Variants in LDAH observed in about 807,000 individuals in gnomAD.
LDAH encodes the protein lipid droplet-associated hydrolase.
A neutral mutation model predicts 29.6 loss-of-function variants in LDAH; 26 were observed. The ratio of observed to expected loss-of-function variants is 0.88; its 90% CI spans 0.64 to 1.22. LDAH has a LOEUF of 1.22. LDAH is among the 50% of genes most tolerant of loss of function. LDAH has a pLI of 0.00. For synonymous variants in LDAH, 117 were observed against 133.0 expected (o/e 0.88, Z 0.83); for missense variants, 344 against 387.3 (o/e 0.89, Z 0.94).
intron 1 of LDAH, among the ~76,000 whole-genome samples, chr2:20,819,886 T>A (rs1673130219): frequency 6.6e-6 from 1 of 152,200 alleles, no homozygotes; most frequent in African/African-American, 2.4e-5. Flanking sequence ...GCCCAAAATC[T>A]CCTTAAGCTG....
intron 4 of LDAH, among the ~76,000 whole-genome samples, chr2:20,751,723 C>T (rs186019292): frequency 2.0e-4 from 31 of 152,194 alleles, no homozygotes; most frequent in Non-Finnish European, 2.2e-4. Context: ...TAGGTAAAGC[C>T]TCTAACATGA....
chr2:20,804,943 A>C (rs1379237089), intron 1 of LDAH, among the ~76,000 whole-genome samples: 5 of 152,290 alleles, frequency 3.3e-5, no homozygotes, highest in Admixed American at 2.6e-4. Flanking sequence ...AAACTATCAC[A>C]AACTACAGTA....
intron 4 of LDAH, among the ~76,000 whole-genome samples, chr2:20,746,790 T>G (rs1667600207): frequency 6.6e-6 from 1 of 152,144 alleles, no homozygotes; most frequent in Non-Finnish European, 1.5e-5. Context: ...TATGTTACTA[T>G]CTCATTAAAA....
At chr2:20,721,135 C>T (rs1665619108) in intron 5 of LDAH, among the ~76,000 whole-genome samples, 1 of 152,032 alleles carries the variant, frequency 6.6e-6, no homozygotes, top group African/African-American at 2.4e-5. Context: ...AATGGGATTA[C>T]ACCAAGCTAA....
intron 5 of LDAH, among the ~76,000 whole-genome samples, chr2:20,719,474 AAAT>A (rs960087295): frequency 2.7e-5 from 4 of 149,972 alleles, no homozygotes; most frequent in South Asian, 2.1e-4. Flanking sequence ...AGTAAGATCT[AAAT>A]AATAATAATA....
At chr2:20,816,041 T>C (rs1164657996) in intron 1 of LDAH, among the ~76,000 whole-genome samples, 2 of 152,070 alleles carry the variant, frequency 1.3e-5, no homozygotes, top group Admixed American at 6.6e-5. Flanking sequence ...TAAACTTCAA[T>C]TGGCAAAAGG....
chr2:20,754,943 A>G (rs1236214647), intron 4 of LDAH, among the ~76,000 whole-genome samples: 1 of 152,180 alleles, frequency 6.6e-6, no homozygotes, highest in Admixed American at 6.5e-5. Flanking sequence ...ACAAAATGGG[A>G]ATATGCAAGG....
chr2:20,742,884 T>C (rs933546481), intron 4 of LDAH, among the ~76,000 whole-genome samples: 1 of 150,862 alleles, frequency 6.6e-6, no homozygotes, highest in Middle Eastern at 3.4e-3. Flanking sequence ...TTCAGCCTTC[T>C]GAGTAGCTGG....
chr2:20,763,713 A>G (rs1457849947), intron 4 of LDAH, among the ~76,000 whole-genome samples: 2 of 152,252 alleles, frequency 1.3e-5, no homozygotes, highest in African/African-American at 2.4e-5. Flanking sequence ...CCAAGCTATT[A>G]GACATCTGAG....
At chr2:20,690,784 C>T (rs992378557) in intron 6 of LDAH, among the ~76,000 whole-genome samples, 2 of 152,012 alleles carry the variant, frequency 1.3e-5, no homozygotes, top group African/African-American at 4.8e-5. Flanking sequence ...CTTTATTTAT[C>T]GGTATGCAAA....
intron 5 of LDAH, among the ~76,000 whole-genome samples, chr2:20,704,845 G>T (rs1664193925): frequency 6.6e-6 from 1 of 152,144 alleles, no homozygotes. Context: ...AAATGCATCA[G>T]ATTTTATTCC....
In LDAH at chr2:20,752,962, G is replaced by A. The variant is rs1205546539; in HGVS notation, c.469-12757C>T. On this transcript the variant is annotated intron_variant, in intron 4 of 6. Coordinates refer to ENST00000237822, the MANE Select transcript of LDAH (RefSeq NM_021925.4). ...CACTCATTCTAAGCTGTATTCTTTG[G>A]AGAGAAAACAACGACAACAACAACA... Among the ~76,000 whole-genome samples the A allele has an allele frequency of 4.7e-5, 6 of 128,818 alleles. No individual in the cohort carries two copies. In the East Asian group the frequency reaches 1.4e-3, roughly 30 times the overall value. The allele number at this position is 128,818 out of a possible 152,430, so 84.5% of individuals were successfully genotyped here.
At chr2:20,747,427 G>C (rs966060510) in intron 4 of LDAH, among the ~76,000 whole-genome samples, 3 of 152,104 alleles carry the variant, frequency 2.0e-5, no homozygotes, top group Non-Finnish European at 4.4e-5. Context: ...CTCTTTTTAT[G>C]TGACTGCAAT....
Position 20,789,075 on chromosome 2 carries a change from ACTCTTT to A in LDAH, c.298+1174_298+1179del, listed in dbSNP as rs930097625. On this transcript the variant is annotated intron_variant, in intron 3 of 6. Coordinates refer to ENST00000237822, the MANE Select transcript of LDAH (RefSeq NM_021925.4). ...ATTAAATCTTGCTCCCTTCTGTGCTACTCTTTCTGTCTGTTGTACCTCTGCACCCAC... is the reference window on the plus strand; with the variant it reads ...ATTAAATCTTGCTCCCTTCTGTGCTACTGTCTGTTGTACCTCTGCACCCAC... 130 of 1,512,052 alleles carry A rather than the reference ACTCTTT, an allele frequency of 8.6e-5. 1 individual carries two copies. In the Admixed American group the frequency reaches 2.4e-3, roughly 27 times the overall value. The allele number at this position is 1,512,052 out of a possible 1,614,324, so 93.7% of individuals were successfully genotyped here. A position where few individuals can be genotyped will look rare whatever the true frequency, so the allele number is the denominator to read the frequency against.
chr2:20,786,317 G>C (rs1318755083), intron 3 of LDAH, among the ~76,000 whole-genome samples: 1 of 152,060 alleles, frequency 6.6e-6, no homozygotes, highest in Admixed American at 6.5e-5. Context: ...AACCTCCCGA[G>C]TAGCTGGGAG....
chr2:20,771,561 C>T (rs553514311), intron 4 of LDAH, among the ~76,000 whole-genome samples: 1 of 152,194 alleles, frequency 6.6e-6, no homozygotes, highest in South Asian at 2.1e-4. Context: ...TTAGAGTAGC[C>T]CAGAGACACT....
At chr2:20,767,791 T>C (rs1669143448) in intron 4 of LDAH, among the ~76,000 whole-genome samples, 1 of 152,048 alleles carries the variant, frequency 6.6e-6, no homozygotes, top group Non-Finnish European at 1.5e-5. Flanking sequence ...CTGAGGCCCA[T>C]AAAAGCCCTG....
At chr2:20,793,766 G>T (rs1312657891) in intron 2 of LDAH, among the ~76,000 whole-genome samples, 8 of 142,358 alleles carry the variant, frequency 5.6e-5, no homozygotes, top group Non-Finnish European at 1.5e-5. Context: ...TAGCAACTTA[G>T]ATAAAATAAA....
intron 1 of LDAH, among the ~76,000 whole-genome samples, chr2:20,804,962 T>C (rs1323651130): frequency 6.6e-6 from 1 of 152,176 alleles, no homozygotes; most frequent in Non-Finnish European, 1.5e-5. Context: ...TATATTTATG[T>C]AAGTTCTGAC....
Sources: allele counts gnomAD v4.1 joint callset (sites outside exome capture counted in the v4.1 genomes callset), GRCh38; gene constraint gnomAD v4.1.1; transcripts MANE v1.5; gene names NCBI Gene and HGNC (gene_info 2026-07-23, HGNC 2026-07-21).